LTBP3: variants seen among roughly 807,000 people sequenced by gnomAD.
LTBP3 encodes latent-transforming growth factor beta-binding protein 3.
LTBP3 carries 97 observed loss-of-function variants against 159.7 expected under a neutral mutation model. That is an observed-to-expected ratio of 0.61 (90% CI 0.52 to 0.72). The LOEUF is 0.72. Ranked by LOEUF, LTBP3 falls within the 30% of genes least tolerant of loss-of-function variation. The pLI, the probability that LTBP3 is intolerant of heterozygous loss-of-function variation, is 0.00. For synonymous variants in LTBP3, 824 were observed against 777.1 expected, an observed-to-expected ratio of 1.06 and a Z score of -1.00; for missense variants, 1,584 against 1,864.3, an observed-to-expected ratio of 0.85 and a Z score of 2.77.
chr11:65,550,597 G>A (rs1205731908), intron 11 of LTBP3, among the ~76,000 whole-genome samples: 2 of 151,810 alleles, frequency 1.3e-5, no homozygotes, highest in African/African-American at 4.8e-5. Context: ...AGGCCGACAC[G>A]GGCGCATCAC....
intron 16 of LTBP3, chr11:65,544,151 ATTCC>A (rs1856269921): frequency 6.1e-6 from 1 of 165,200 alleles, no homozygotes; most frequent in Admixed American, 5.6e-5. Flanking sequence ...CTGACCTCAC[ATTCC>A]TGGATCTCTC....
chr11:65,541,029 C>T (rs1856112721), intron 20 of LTBP3, 75 bp from the exon 21 acceptor site: 2 of 1,581,762 alleles, frequency 1.3e-6, no homozygotes, highest in Admixed American at 1.8e-5. Flanking sequence ...CTGCAGCCCG[C>T]CGCCTATTTC....
Position 65,546,398 on chromosome 11 carries a change from C to G in LTBP3, c.2353+44G>C. ...CGTGACCCGCTCCCCGGCTTCAGCG[C>G]GTAGGGGGCGGCGGAGGCCCGGGGC... On this transcript the variant is annotated intron_variant, in intron 16 of 27. Transcript: ENST00000301873. The surrounding 1 kb of genome is among the most constrained non-coding windows in gnomAD (Gnocchi z 4.0). 3 of 1,501,364 alleles carry G rather than the reference C, an allele frequency of 2.0e-6. No homozygotes were observed. The highest frequency in any genetic ancestry group is 2.7e-6 in the Non-Finnish European group (3 of 1,131,140). The allele number at this position is 1,501,364 out of a possible 1,614,324, so 93.0% of individuals were successfully genotyped here.
Position 65,543,534 on chromosome 11 carries a change from T to A in LTBP3, c.2369A>T (p.Glu790Val). Residue 790 changes from glutamate (E) to valine (V), a missense_variant, in exon 17 of 28, where the codon GAG (glutamate) becomes GTG (valine). Transcript: ENST00000301873. ...GCCATTGTCACACACGTCCCCAGCC[T>A]CACACTCGTCCACATCTGCAGGGCA... ...GRSCLDVDEC[E>V]AGDVCDNGIC... 1 of 1,614,048 alleles carries A rather than the reference T, an allele frequency of 6.2e-7. No individual in the cohort carries two copies. The highest frequency in any genetic ancestry group is 1.1e-5 in the South Asian group (1 of 91,088).
At chr11:65,555,639 G>C (rs1565102661) in intron 1 of LTBP3, among the ~76,000 whole-genome samples, 1 of 152,162 alleles carries the variant, frequency 6.6e-6, no homozygotes, top group African/African-American at 2.4e-5. Context: ...GGTCCCACAG[G>C]GGGTTCGGGG....
intron 20 of LTBP3, 76 bp downstream of exon 20, chr11:65,541,050 G>C (rs1856113605): frequency 6.3e-7 from 1 of 1,584,086 alleles, no homozygotes; most frequent in Admixed American, 1.8e-5. Context: ...CCAACTGCCA[G>C]GGGGCGCCAT....
In LTBP3 at chr11:65,552,042, T is replaced by C; in HGVS notation, c.1461A>G (p.Pro487=). The C allele has an allele frequency of 6.2e-7, 1 of 1,613,944 alleles. No homozygotes were observed. The highest frequency in any genetic ancestry group is 8.5e-7 in the Non-Finnish European group (1 of 1,179,968). The change falls in exon 8 of 28, where the codon CCA becomes CCG. Residue 487 remains proline (P), a synonymous_variant. Transcript: ENST00000301873. The surrounding 1 kb of genome is among the most constrained non-coding windows in gnomAD (Gnocchi z 6.0). Reference sequence around the variant, plus strand: ...TCTCCGGAAGCTGCTGGGGCTTGGGTGGCCCGTCAGGGTGCAGGAAAAGGG... The same window carrying C: ...TCTCCGGAAGCTGCTGGGGCTTGGGCGGCCCGTCAGGGTGCAGGAAAAGGG... ...DFSLFLHPDG[P]PKPQQLPESP...
Position 65,553,436 on chromosome 11 carries a change from G to A in LTBP3, c.959C>T (p.Pro320Leu). 6.2e-7 allele frequency: 1 copy of A among 1,612,180 alleles called. No individual in the cohort carries two copies. Among genetic ancestry groups the A allele is most frequent in the South Asian group, 1.1e-5 (1 of 91,002 alleles). Residue 320 changes from proline to leucine, a missense_variant, in exon 4 of 28, where the codon CCC becomes CTC. Pro to Leu is a moderately conservative substitution (Grantham distance 98). Coordinates refer to ENST00000301873, the MANE Select transcript of LTBP3 (RefSeq NM_001130144.3). The surrounding 1 kb of genome is among the most constrained non-coding windows in gnomAD (Gnocchi z 6.5). Reference protein sequence around the residue: ...AWGQSKCHKCPQLQYTGVQKP... With the variant: ...AWGQSKCHKCLQLQYTGVQKP... ...GCCCAAGCACTCACACTGCAGCTGG[G>A]GACACTTGTGGCACTTGCTCTGGCC...
chr11:65,552,038 T>C lies in LTBP3; in HGVS notation c.1465A>G (p.Lys489Glu). Residue 489 changes from lysine (K) to glutamate (E), a missense_variant, in exon 8 of 28, where the codon AAG becomes GAG. Lys to Glu is a moderately conservative substitution (Grantham distance 56). Coordinates refer to ENST00000301873, the MANE Select transcript of LTBP3 (RefSeq NM_001130144.3). This position sits in a 1 kb window ranked among gnomAD's most constrained non-coding sequence, Gnocchi z 6.0. ...SLFLHPDGPP[K>E]PQQLPESPSQ... ...GGGCTCTCCGGAAGCTGCTGGGGCTTGGGTGGCCCGTCAGGGTGCAGGAAA... is the reference window on the plus strand; with the variant it reads ...GGGCTCTCCGGAAGCTGCTGGGGCTCGGGTGGCCCGTCAGGGTGCAGGAAA... The C allele has an allele frequency of 2.5e-6, 4 of 1,614,044 alleles. No homozygotes were observed. Among genetic ancestry groups the C allele is most frequent in the Non-Finnish European group, 3.4e-6 (4 of 1,179,996 alleles).
In LTBP3 at chr11:65,554,084, C is replaced by G. The variant is rs1301696190; in HGVS notation, c.628G>C (p.Val210Leu). 6.2e-7 allele frequency: 1 copy of G among 1,607,636 alleles called. No individual in the cohort carries two copies. Among genetic ancestry groups the G allele is most frequent in the African/African-American group, 1.3e-5 (1 of 74,932 alleles). Residue 210 changes from valine (V) to leucine (L), a missense_variant, in exon 2 of 28, where the codon GTG (valine) becomes CTG (leucine). By Grantham distance (32) the Val-to-Leu change is conservative. Coordinates refer to ENST00000301873, the MANE Select transcript of LTBP3 (RefSeq NM_001130144.3). This position sits in a 1 kb window ranked among gnomAD's most constrained non-coding sequence, Gnocchi z 5.3. ...GAGATCTGTCCCGGGCCTAGGGGCA[C>G]CAGGAAGGCTGCGTGCTGGGCAGGA... ...GPPAQHAAFL[V>L]PLGPGQISAE...
In LTBP3 at chr11:65,551,565, C is replaced by T; in HGVS notation, c.1532-1G>A. The T allele has an allele frequency of 1.2e-6, 2 of 1,613,934 alleles. No homozygotes were observed. Among genetic ancestry groups the T allele is most frequent in the Non-Finnish European group, 1.7e-6 (2 of 1,179,990 alleles). ...ATACTCACTGAGTCCGTGGTCACCC[C>T]TAAAAGGGAAGAAGATGGGGCCATG... On this transcript the variant is annotated splice_acceptor_variant, in intron 8 of 27. Coordinates refer to ENST00000301873, the MANE Select transcript of LTBP3 (RefSeq NM_001130144.3). LOFTEE classifies it high-confidence loss of function.
At chr11:65,542,845 A>G (rs1856200475) in intron 18 of LTBP3, 4 of 494,462 alleles carry the variant, frequency 8.1e-6, no homozygotes, top group Admixed American at 6.1e-5. Context: ...TACTGTGATC[A>G]TTGTTATTCT....
rs1296202212 is a variant in LTBP3 at position 65,540,133 on chromosome 11, G to A, written c.3265C>T (p.Pro1089Ser). 3 of 1,527,548 alleles carry A rather than the reference G, an allele frequency of 2.0e-6. No individual in the cohort carries two copies. The highest frequency in any genetic ancestry group is 2.8e-5 in the African/African-American group (2 of 72,668). 94.6% of individuals were successfully genotyped at this position (1,527,548 alleles called of 1,614,324 possible). A position where few individuals can be genotyped will look rare whatever the true frequency, so the allele number is the denominator to read the frequency against. ...CAGCGGCCAGGGCGGCAGGCTGCCG[G>A]GTCCTGGCACTCGTCCACGTCTACG... ...EEMDVDECQD[P>S]AACRPGRCVN... Residue 1089 changes from proline (P) to serine (S), a missense_variant, in exon 24 of 28, where the codon CCG becomes TCG. Coordinates refer to ENST00000301873, the MANE Select transcript of LTBP3 (RefSeq NM_001130144.3).
rs1590786680 is a variant in LTBP3, at chr11:65,554,226, C to T, written c.486G>A (p.Gly162=). ...GCGGCAGCGCCCCTGTGGACAGGGCCCCTGTCCTGCTCAGGCCGGGGCCTG... is the reference window on the plus strand; with the variant it reads ...GCGGCAGCGCCCCTGTGGACAGGGCTCCTGTCCTGCTCAGGCCGGGGCCTG... ...GGSGPGLSRT[G]ALSTGALPPL... is the part of the protein sequence containing the mutation. Residue 162 remains glycine, a synonymous_variant, in exon 2 of 28, where the codon GGG becomes GGA. Transcript: ENST00000301873. The surrounding 1 kb of genome is among the most constrained non-coding windows in gnomAD (Gnocchi z 5.3). The T allele has an allele frequency of 4.3e-6, 7 of 1,609,812 alleles. No individual in the cohort carries two copies. The highest frequency in any genetic ancestry group is 2.2e-5 in the East Asian group (1 of 44,806).
In LTBP3 at chr11:65,551,238, T is replaced by G. The variant is rs1339633732; in HGVS notation, c.1622-14A>C. ...GGGAGATCAGCTCTGCGGGCGGCAGTGCACTCTGGTCAGAGACGATATTGA... is the reference window on the plus strand; with the variant it reads ...GGGAGATCAGCTCTGCGGGCGGCAGGGCACTCTGGTCAGAGACGATATTGA... On this transcript the variant is annotated splice_polypyrimidine_tract_variant and intron_variant, in intron 10 of 27. Coordinates refer to ENST00000301873, the MANE Select transcript of LTBP3 (RefSeq NM_001130144.3). 1 of 1,542,870 alleles carries G rather than the reference T, an allele frequency of 6.5e-7. No homozygotes were observed. Among genetic ancestry groups the G allele is most frequent in the South Asian group, 1.2e-5 (1 of 84,104 alleles).
chr11:65,547,376 C>G lies in LTBP3; in HGVS notation c.2107+63G>C. 3.1e-6 allele frequency: 5 copies of G among 1,591,044 alleles called. No homozygotes were observed. The highest frequency in any genetic ancestry group is 4.3e-6 in the Non-Finnish European group (5 of 1,169,670). On this transcript the variant is annotated intron_variant, in intron 14 of 27. Transcript: ENST00000301873. The surrounding 1 kb of genome is among the most constrained non-coding windows in gnomAD (Gnocchi z 4.6). ...AAAAAAAAAAATGCAGGCACCCCAG[C>G]CCCACCCCAGGTGGAGAGACAGCTA... is the stretch of plus-strand genomic sequence containing the variant.
At position 65,546,672 on chromosome 11, in the gene LTBP3, T is replaced by C. The variant is rs529770900; in HGVS notation, c.2231-108A>G. The C allele has an allele frequency of 1.5e-5, 23 of 1,553,660 alleles. No individual in the cohort carries two copies. In the African/African-American group the frequency reaches 2.0e-4, roughly 14 times the overall value. On this transcript the variant is annotated intron_variant, in intron 15 of 27. Transcript: ENST00000301873. The surrounding 1 kb of genome is among the most constrained non-coding windows in gnomAD (Gnocchi z 4.0). ...GGAACGCGGGGTTGAGAGGGCAGCC[T>C]CTACTCCCGGAAGGCCCCGCCCCCA...
Position 65,546,588 on chromosome 11 carries a change from G to A in LTBP3, c.2231-24C>T, listed in dbSNP as rs1255024186. On this transcript the variant is annotated intron_variant, in intron 15 of 27. Transcript: ENST00000301873. This position sits in a 1 kb window ranked among gnomAD's most constrained non-coding sequence, Gnocchi z 4.0. Reference sequence around the variant, plus strand: ...GTCTGCGGCGGAAAGACCTAGCCTCGGACTCTGCCCCACCGGAAGGCGGAC... The same window carrying A: ...GTCTGCGGCGGAAAGACCTAGCCTCAGACTCTGCCCCACCGGAAGGCGGAC... 6.2e-7 allele frequency: 1 copy of A among 1,600,286 alleles called. No homozygotes were observed. The highest frequency in any genetic ancestry group is 1.1e-5 in the South Asian group (1 of 90,900).
At position 65,541,142 on chromosome 11, in the gene LTBP3, G is replaced by A; in HGVS notation, c.2877C>T (p.Cys959=). Residue 959 remains cysteine (C), a synonymous_variant, in exon 20 of 28, where the codon TGC becomes TGT. Transcript: ENST00000301873. The part of the protein sequence containing the change: ...GWGDHCEIYP[C]PVYSSAEFHS... ...GCTCCTGACCTGAGCTGTAGACTGG[G>A]CAGGGGTAGATTTCGCAGTGGTCGC... 1 of 1,613,098 alleles carries A rather than the reference G, an allele frequency of 6.2e-7. No individual in the cohort carries two copies. The highest frequency in any genetic ancestry group is 8.5e-7 in the Non-Finnish European group (1 of 1,179,940).
Sources: gnomAD v4.1 joint callset for allele counts (sites outside exome capture counted in the v4.1 genomes callset) on GRCh38, gnomAD v4.1.1 for gene constraint, Gnocchi (gnomAD v3.1) non-coding constraint, MANE v1.5 for transcripts, NCBI Gene and HGNC (gene_info 2026-07-23, HGNC 2026-07-21) for gene names.